The following SFXN5 variants were observed in gnomAD, a reference collection of about 807,000 sequenced individuals.
SFXN5 encodes the protein sideroflexin-5.
SFXN5 carries 43 observed loss-of-function variants against 50.2 expected under a neutral mutation model. The ratio of observed to expected loss-of-function variants is 0.86; its 90% CI spans 0.67 to 1.11. The LOEUF (loss-of-function observed/expected upper bound fraction) is 1.11. Among genes scored for constraint, SFXN5 ranks in the 50% least tolerant of loss-of-function variants. The pLI is 0.00. For synonymous variants in SFXN5, 203 were observed against 185.8 expected, an observed-to-expected ratio of 1.09 and a Z score of -0.75; for missense variants, 463 against 454.1, an observed-to-expected ratio of 1.02 and a Z score of -0.18.
chr2:73,030,122 A>T (rs191834688), intron 3 of SFXN5, among the ~76,000 whole-genome samples: 1 of 152,124 alleles, frequency 6.6e-6, no homozygotes, highest in East Asian at 1.9e-4. Context: ...AAACGAACAA[A>T]AAAAAACAAA....
Position 72,961,401 on chromosome 2 carries a change from G to C in SFXN5, c.828-153C>G, listed in dbSNP as rs541050174. ...AGCTAAACAGATATAGCAGAGTTCT[G>C]TCTTTGGGACCTTTTCCCGATAGGT... is the stretch of plus-strand genomic sequence containing the variant. On this transcript the variant is annotated intron_variant, in intron 12 of 13. Coordinates refer to ENST00000272433, the MANE Select transcript of SFXN5 (RefSeq NM_144579.3). This position sits in a 1 kb window ranked among gnomAD's most constrained non-coding sequence, Gnocchi z 4.4. 4.8e-4 allele frequency among the ~76,000 whole-genome samples: 73 copies of C among 152,334 alleles called. No individual in the cohort carries two copies. The highest frequency in any genetic ancestry group is 1.7e-3 in the African/African-American group (70 of 41,574).
At chr2:73,001,039 C>T (rs1438185957) in intron 7 of SFXN5, among the ~76,000 whole-genome samples, 1 of 152,224 alleles carries the variant, frequency 6.6e-6, no homozygotes. Context: ...ACAGAGATAT[C>T]CTCAGTTTTC....
intron 6 of SFXN5, among the ~76,000 whole-genome samples, chr2:73,006,858 G>A (rs1674740966): frequency 6.6e-6 from 1 of 152,204 alleles, no homozygotes; most frequent in African/African-American, 2.4e-5. Context: ...CAATCCAGGG[G>A]CCATCAGCCC....
At chr2:73,047,219 T>TAAAAA (rs748772614) in intron 2 of SFXN5, among the ~76,000 whole-genome samples, 3 of 27,522 alleles carry the variant, frequency 1.1e-4, no homozygotes, top group Non-Finnish European at 2.2e-4. Flanking sequence ...CTCCATCTCG[T>TAAAAA]AAAAAAAAAA....
At chr2:73,031,629 G>A (rs933217011) in intron 3 of SFXN5, among the ~76,000 whole-genome samples, 60 of 152,342 alleles carry the variant, frequency 3.9e-4, no homozygotes, top group African/African-American at 1.3e-3. Context: ...CTAAAGTGGT[G>A]CTTGAAGCTC....
chr2:73,059,811 G>A, intron 1 of SFXN5: 1 of 968,540 alleles, frequency 1.0e-6, no homozygotes, highest in Non-Finnish European at 1.2e-6. Flanking sequence ...ATGCTGTCCT[G>A]GCAAAATTTC....
intron 11 of SFXN5, among the ~76,000 whole-genome samples, chr2:72,969,138 G>A (rs1674849199): frequency 6.6e-6 from 1 of 152,080 alleles, no homozygotes; most frequent in Non-Finnish European, 1.5e-5. Flanking sequence ...ACACATTTGA[G>A]AAGAGCAGAT....
chr2:73,053,898 C>A (rs1000758415), intron 2 of SFXN5, among the ~76,000 whole-genome samples: 3 of 152,206 alleles, frequency 2.0e-5, no homozygotes, highest in Non-Finnish European at 2.9e-5. Flanking sequence ...CAGCCAAGGG[C>A]CCTGGGAGGA....
rs570785203 is a variant in SFXN5, at chr2:73,041,751, G to A, written c.172-820C>T. ...AACGTCTTATTTTGTCACCCAGGCT[G>A]GAGTGCAGTGGCACGATCTCAACAC... On this transcript the variant is annotated intron_variant, in intron 2 of 13. Transcript: ENST00000272433. 256 of 290,458 alleles carry A rather than the reference G, an allele frequency of 8.8e-4. 2 individuals are homozygous for A. The highest frequency in any genetic ancestry group is 4.9e-3 in the African/African-American group (226 of 45,718). The allele number at this position is 290,458 out of a possible 1,614,324, so 18.0% of individuals were successfully genotyped here. A position where few individuals can be genotyped will look rare whatever the true frequency, so the allele number is the denominator to read the frequency against.
At chr2:72,952,694 G>A (rs1672668377) in intron 13 of SFXN5, among the ~76,000 whole-genome samples, 1 of 152,136 alleles carries the variant, frequency 6.6e-6, no homozygotes. Flanking sequence ...TAAGCTTTGA[G>A]GCCTCAGTTT....
Position 72,945,024 on chromosome 2 carries a change from A to T in SFXN5, c.1021T>A (p.Ter341ArgextTer16). 1.9e-6 allele frequency: 3 copies of T among 1,613,638 alleles called. No homozygotes were observed. Among genetic ancestry groups the T allele is most frequent in the Non-Finnish European group, 2.5e-6 (3 of 1,179,770 alleles). ...SRTVVYNKGL[*>R] ...CGTCCCCAGGCCGCTGACCACACTCACAACCCCTTGTTGTACACCACTGTC... is the reference window on the plus strand; with the variant it reads ...CGTCCCCAGGCCGCTGACCACACTCTCAACCCCTTGTTGTACACCACTGTC... The change falls in exon 14 of 14, where the codon TGA becomes AGA. Residue 341 changes from the stop codon to arginine, a stop_lost. Transcript: ENST00000272433. The surrounding 1 kb of genome is among the most constrained non-coding windows in gnomAD (Gnocchi z 5.8).
chr2:73,055,240 G>T (rs1179164873), intron 2 of SFXN5, among the ~76,000 whole-genome samples: 2 of 152,252 alleles, frequency 1.3e-5, no homozygotes, highest in South Asian at 2.1e-4. Flanking sequence ...GTAATCTCGG[G>T]CAAGTTCCCT....
rs1046524068 is a variant in SFXN5 at position 72,953,047 on chromosome 2, G to A, written c.946-7948C>T. Among the ~76,000 whole-genome samples, 1 of 152,216 alleles carries A rather than the reference G, an allele frequency of 6.6e-6. No individual in the cohort carries two copies. The highest frequency in any genetic ancestry group is 1.9e-4 in the East Asian group (1 of 5,176). On this transcript the variant is annotated intron_variant, in intron 13 of 13. Transcript: ENST00000272433. The surrounding 1 kb of genome is among the most constrained non-coding windows in gnomAD (Gnocchi z 4.1). ...GGAAAGGCTGTCAGGCAGCCCCGCC[G>A]AGGCCTGCCACCCGGGCATGTGTAC...
chr2:73,035,699 C>A (rs962351353), intron 3 of SFXN5, among the ~76,000 whole-genome samples: 3 of 151,972 alleles, frequency 2.0e-5, no homozygotes, highest in Admixed American at 2.0e-4. Context: ...GGGGTTTCAC[C>A]ATATTGGTCA....
At chr2:72,948,316 A>G (rs1672171406) in intron 13 of SFXN5, among the ~76,000 whole-genome samples, 1 of 152,258 alleles carries the variant, frequency 6.6e-6, no homozygotes, top group African/African-American at 2.4e-5. Flanking sequence ...TAAAAGGAAA[A>G]TGATGCATAG....
chr2:72,953,799 G>T lies in SFXN5; in HGVS notation c.945+7332C>A, dbSNP rs1443720301. Among the ~76,000 whole-genome samples the T allele has an allele frequency of 6.6e-6, 1 of 152,110 alleles. No individual in the cohort carries two copies. The highest frequency in any genetic ancestry group is 1.5e-5 in the Non-Finnish European group (1 of 68,000). ...CAGCTCTTCTCCATTCTTGGTTGGG[G>T]GTCCCAATACTTTCTCAAAGAAAGA... On this transcript the variant is annotated intron_variant, in intron 13 of 13. Transcript: ENST00000272433. This position sits in a 1 kb window ranked among gnomAD's most constrained non-coding sequence, Gnocchi z 4.1.
chr2:73,023,036 G>T, intron 4 of SFXN5, 152 bp downstream of exon 4: 1 of 682,836 alleles, frequency 1.5e-6, no homozygotes, highest in Non-Finnish European at 2.4e-6. Flanking sequence ...GCCCTTGAGT[G>T]TCGGGGCAGA....
At position 72,961,059 on chromosome 2, in the gene SFXN5, ATGAG is replaced by A; in HGVS notation, c.945+68_945+71del. The stretch of plus-strand genomic sequence containing the variant: ...CATGGCGCTAAGGAGTCGGCACGGT[ATGAG>A]TATTTGTTCAGAAATCACCAAACAG... On this transcript the variant is annotated intron_variant, in intron 13 of 13. Coordinates refer to ENST00000272433, the MANE Select transcript of SFXN5 (RefSeq NM_144579.3). This position sits in a 1 kb window ranked among gnomAD's most constrained non-coding sequence, Gnocchi z 4.4. 1 of 1,090,434 alleles carries A rather than the reference ATGAG, an allele frequency of 9.2e-7. No individual in the cohort carries two copies. The highest frequency in any genetic ancestry group is 1.3e-6 in the Non-Finnish European group (1 of 782,582). The allele number at this position is 1,090,434 out of a possible 1,614,324, so 67.5% of individuals were successfully genotyped here.
intron 5 of SFXN5, among the ~76,000 whole-genome samples, chr2:73,022,026 G>A (rs772267445): frequency 6.6e-6 from 1 of 152,200 alleles, no homozygotes; most frequent in Non-Finnish European, 1.5e-5. Flanking sequence ...GCACAGCAGT[G>A]CAACAACAGT....
Sources: allele counts gnomAD v4.1 joint callset (sites outside exome capture counted in the v4.1 genomes callset), GRCh38; gene constraint gnomAD v4.1.1; non-coding constraint Gnocchi (gnomAD v3.1); transcripts MANE v1.5; gene names NCBI Gene and HGNC (gene_info 2026-07-23, HGNC 2026-07-21).